The following ZNF883 variants were observed in gnomAD, a reference collection of about 807,000 sequenced individuals.
The protein encoded by ZNF883 is zinc finger protein 883.
At chr9:112,991,641 T>C (rs949181068) in intron 1 of ZNF883, among the ~76,000 whole-genome samples, 4 of 152,154 alleles carry the variant, frequency 2.6e-5, no homozygotes, top group African/African-American at 9.7e-5. Context: ...AATATTCTTG[T>C]TAATTTTCTG....
upstream of ZNF883, chr9:112,998,352 A>C: frequency 9.4e-7 from 1 of 1,066,000 alleles, no homozygotes; most frequent in South Asian, 2.7e-5. Context: ...AGAATAAGTA[A>C]AGTTTGAGAT....
exon 1 of ZNF883, chr9:112,997,841 A>T (rs773946022): frequency 6.2e-7 from 1 of 1,612,854 alleles, no homozygotes; most frequent in Admixed American, 1.7e-5. Context: ...ATGTTGAGTA[A>T]GGGCAGAGAT....
chr9:112,988,894 G>GT (rs141973210), intron 1 of ZNF883, among the ~76,000 whole-genome samples: 66,628 of 150,998 alleles, frequency 0.44, 15,247 homozygotes, highest in African/African-American at 0.57. Flanking sequence ...AGTGATGTTG[G>GT]TTTTTTTTTC....
intron 2 of ZNF883, among the ~76,000 whole-genome samples, chr9:113,007,855 C>T (rs1029295918): frequency 2.6e-5 from 4 of 152,142 alleles, no homozygotes; most frequent in African/African-American, 9.7e-5. Flanking sequence ...GGACTATAGC[C>T]TCTCCCCTAT....
chr9:112,997,683 T>C (rs1828376652), exon 1 of ZNF883: 4 of 1,612,920 alleles, frequency 2.5e-6, no homozygotes, highest in Non-Finnish European at 3.4e-6. Context: ...AGTGATGTAC[T>C]GTGGCAAAAA....
At chr9:113,005,732 C>T (rs975315571) in intron 2 of ZNF883, among the ~76,000 whole-genome samples, 3 of 152,148 alleles carry the variant, frequency 2.0e-5, no homozygotes, top group Non-Finnish European at 4.4e-5. Context: ...ATTCATTGTA[C>T]GTCAATATTC....
chr9:113,010,455 T>C (rs924168208), intron 2 of ZNF883, among the ~76,000 whole-genome samples: 1 of 152,220 alleles, frequency 6.6e-6, no homozygotes, highest in African/African-American at 2.4e-5. Flanking sequence ...TTTACACATG[T>C]ATATTATTGC....
downstream of ZNF883, among the ~76,000 whole-genome samples, chr9:112,996,789 TCAAAAAAAAAAAAAAAAAA>T (rs1353248279): frequency 3.5e-5 from 1 of 28,292 alleles, no homozygotes; most frequent in Non-Finnish European, 6.2e-5. Context: ...AGACTCCGTC[TCAAAAAAAAAAAAAAAAAA>T]AAAAAAAAAA....
intron 1 of ZNF883, among the ~76,000 whole-genome samples, chr9:112,990,616 T>C (rs4979202): frequency 0.7 from 106,741 of 152,026 alleles, 38,415 homozygotes; most frequent in East Asian, 0.89. Context: ...ATCAGGATGA[T>C]GCTGGCCTCA....
downstream of ZNF883, among the ~76,000 whole-genome samples, chr9:112,996,905 C>T (rs1828363219): frequency 6.7e-6 from 1 of 149,574 alleles, no homozygotes; most frequent in Admixed American, 6.7e-5. Context: ...AAACAAACCT[C>T]AGTTTTGGAT....
exon 1 of ZNF883, chr9:112,997,307 T>G: frequency 6.2e-7 from 1 of 1,614,196 alleles, no homozygotes; most frequent in Non-Finnish European, 8.5e-7. Flanking sequence ...GTAGGGTTTC[T>G]CTCCTGTATG....
rs748826514 is a variant in ZNF883, at chr9:112,997,331, C to T, written n.929G>A. The stretch of plus-strand genomic sequence containing the variant: ...CTCTCCTGTATGCGTCCTCTGATGT[C>T]GAATTAGTGATGTTCTATAGCAAAA... On this transcript the variant is annotated non_coding_transcript_exon_variant, in exon 1 of 1. Coordinates refer to ENST00000639662, the Ensembl canonical transcript of ZNF883. 87 of 1,613,752 alleles carry T rather than the reference C, an allele frequency of 5.4e-5. No homozygotes were observed. In the East Asian group the frequency reaches 5.8e-4, roughly 11 times the overall value.
chr9:112,996,557 C>T (rs571840635), downstream of ZNF883, among the ~76,000 whole-genome samples: 71 of 151,100 alleles, frequency 4.7e-4, no homozygotes, highest in African/African-American at 1.5e-3. Context: ...TTTGGGAGGC[C>T]GAGGCGGGCA....
chr9:112,996,734 T>G (rs1478316595), downstream of ZNF883, among the ~76,000 whole-genome samples: 2 of 130,034 alleles, frequency 1.5e-5, no homozygotes, highest in African/African-American at 5.8e-5. Context: ...GAGCTTGCAG[T>G]GAGCCGAGAT....
chr9:112,990,132 G>A (rs1056665611), intron 1 of ZNF883, among the ~76,000 whole-genome samples: 8 of 152,070 alleles, frequency 5.3e-5, no homozygotes, highest in African/African-American at 1.9e-4. Flanking sequence ...GATTGCCCTG[G>A]CCAGAACTTC....
downstream of ZNF883, among the ~76,000 whole-genome samples, chr9:112,996,341 G>C (rs1212728381): frequency 6.6e-6 from 1 of 152,050 alleles, no homozygotes; most frequent in Admixed American, 6.6e-5. Context: ...AACATTATTT[G>C]TCTATGGCTA....
At chr9:112,994,923 C>A (rs1828335406), downstream of ZNF883, among the ~76,000 whole-genome samples, 1 of 152,046 alleles carries the variant, frequency 6.6e-6, no homozygotes, top group South Asian at 2.1e-4. Context: ...ATAATGGTGG[C>A]ATCAAACATC....
At chr9:112,992,920 G>C (rs1316178305), downstream of ZNF883, among the ~76,000 whole-genome samples, 2 of 152,138 alleles carry the variant, frequency 1.3e-5, no homozygotes, top group Non-Finnish European at 2.9e-5. Context: ...CGCTCCATCA[G>C]GTCATTTATG....
chr9:113,006,151 G>A (rs7044748), intron 2 of ZNF883, among the ~76,000 whole-genome samples: 6,093 of 146,972 alleles, frequency 0.041, 410 homozygotes, highest in African/African-American at 0.14. Flanking sequence ...GACAACAAAA[G>A]CGACCTTCCC....
Sources: gnomAD v4.1 joint callset for allele counts (sites outside exome capture counted in the v4.1 genomes callset) on GRCh38, gnomAD v4.1.1 for gene constraint, MANE v1.5 for transcripts, NCBI Gene and HGNC (gene_info 2026-07-23, HGNC 2026-07-21) for gene names.